EML6: variants seen among roughly 807,000 people sequenced by gnomAD.
The protein encoded by EML6 is echinoderm microtubule-associated protein-like 6.
A neutral mutation model predicts 240.1 loss-of-function variants in EML6; 154 were observed. The ratio of observed to expected loss-of-function variants is 0.64; its 90% CI spans 0.56 to 0.73. EML6 has a LOEUF of 0.73. EML6 is among the 30% of genes least tolerant of loss of function. The probability of loss-of-function intolerance (pLI) is 0.00; values close to 1 mark genes in which losing one functional copy is unlikely to be tolerated. For missense variants in EML6, 2,964 were observed against 2,474.6 expected (o/e 1.20, Z -4.20); for synonymous variants, 1,148 against 899.0 (o/e 1.28, Z -4.95).
At position 54,903,418 on chromosome 2, in the gene EML6, A is replaced by G. The variant is rs761380789; in HGVS notation, c.3325A>G (p.Ile1109Val). ...GGCATCCCATGATAACTTTGTGGAT[A>G]TTTACAACGTACTTACAAGCAAAAG... is the stretch of plus-strand genomic sequence containing the variant. ...AVASHDNFVD[I>V]YNVLTSKRVG... Residue 1109 changes from isoleucine (I) to valine (V), a missense_variant, in exon 24 of 42, where the codon ATT (isoleucine) becomes GTT (valine). Ile to Val is a conservative substitution (Grantham distance 29, BLOSUM62 3). Coordinates refer to ENST00000356458, the MANE Select transcript of EML6 (RefSeq NM_001039753.4). 133 of 1,551,728 alleles carry G rather than the reference A, an allele frequency of 8.6e-5. 2 individuals are homozygous for G. The highest frequency in any genetic ancestry group is 2.6e-6 in the Non-Finnish European group (3 of 1,147,006).
chr2:54,885,895 G>A (rs1672104613), intron 17 of EML6, among the ~76,000 whole-genome samples: 1 of 152,162 alleles, frequency 6.6e-6, no homozygotes, highest in Non-Finnish European at 1.5e-5. Context: ...ACAGGCGTGA[G>A]CCACCACGTC....
intron 2 of EML6, among the ~76,000 whole-genome samples, chr2:54,778,241 T>C (rs1045641911): frequency 1.3e-5 from 2 of 152,344 alleles, no homozygotes; most frequent in Non-Finnish European, 2.9e-5. Flanking sequence ...CAGTTTAAGA[T>C]GGCAAGTGAA....
chr2:54,800,621 C>A (rs2567970), intron 2 of EML6, among the ~76,000 whole-genome samples: 131,214 of 152,108 alleles, frequency 0.86, 56,807 homozygotes, highest in African/African-American at 0.93. Flanking sequence ...CTCAAGAGGG[C>A]ATTGTCCCTT....
chr2:54,953,802 G>A (rs1036435274), intron 31 of EML6, among the ~76,000 whole-genome samples, 181 bp from the exon 32 acceptor site: 2 of 151,498 alleles, frequency 1.3e-5, no homozygotes, highest in African/African-American at 4.9e-5. Context: ...CACGAGGATC[G>A]TGTGAACCCA....
chr2:54,758,541 C>T (rs1175448040), intron 2 of EML6, among the ~76,000 whole-genome samples: 1 of 152,176 alleles, frequency 6.6e-6, no homozygotes, highest in South Asian at 2.1e-4. Flanking sequence ...ACGGTTTTCC[C>T]AGTCCCCCAT....
chr2:54,743,282 A>C (rs1683739791), intron 2 of EML6, among the ~76,000 whole-genome samples: 1 of 152,128 alleles, frequency 6.6e-6, no homozygotes, highest in African/African-American at 2.4e-5. Context: ...ACATCTTTGG[A>C]ATGTGGGAGG....
chr2:54,858,972 G>A (rs951320593), intron 11 of EML6, among the ~76,000 whole-genome samples: 3 of 152,182 alleles, frequency 2.0e-5, no homozygotes, highest in Non-Finnish European at 2.9e-5. Context: ...GCTGTGTACT[G>A]AGCATATGCT....
intron 2 of EML6, among the ~76,000 whole-genome samples, chr2:54,754,670 T>C (rs1328747669): frequency 6.6e-6 from 1 of 152,208 alleles, no homozygotes; most frequent in African/African-American, 2.4e-5. Context: ...ATTCTTTATT[T>C]AGTGAAGTCC....
At chr2:54,952,561 A>G in intron 30 of EML6, 33 bp from the exon 31 acceptor site, 1 of 1,444,534 alleles carries the variant, frequency 6.9e-7, no homozygotes, top group Non-Finnish European at 9.5e-7. Context: ...TTTAGGTTCC[A>G]CTGTTCACCC....
intron 25 of EML6, among the ~76,000 whole-genome samples, chr2:54,916,326 A>C (rs980713909): frequency 6.6e-6 from 1 of 152,210 alleles, no homozygotes; most frequent in Admixed American, 6.5e-5. Flanking sequence ...AGGGTATGCT[A>C]CTGGCATCCA....
intron 16 of EML6, among the ~76,000 whole-genome samples, chr2:54,877,329 T>C (rs1376179641): frequency 6.6e-6 from 1 of 152,178 alleles, no homozygotes; most frequent in Non-Finnish European, 1.5e-5. Flanking sequence ...TTTCAATTTA[T>C]ACCATCCACA....
chr2:54,733,414 A>G (rs1019545990), intron 2 of EML6, among the ~76,000 whole-genome samples: 2 of 152,222 alleles, frequency 1.3e-5, no homozygotes, highest in African/African-American at 4.8e-5. Flanking sequence ...AACTTTTTCA[A>G]AGAAGTACAG....
chr2:54,824,177 T>C (rs1041201195), intron 5 of EML6, among the ~76,000 whole-genome samples: 6 of 152,170 alleles, frequency 3.9e-5, no homozygotes, highest in African/African-American at 1.4e-4. Context: ...CTTTCTGTCC[T>C]TGGTTAACTC....
rs1669826881 is a variant in EML6, at chr2:54,847,469, T to G, written c.1050-17T>G. On this transcript the variant is annotated splice_polypyrimidine_tract_variant and intron_variant, in intron 8 of 41. Coordinates refer to ENST00000356458, the MANE Select transcript of EML6 (RefSeq NM_001039753.4). ...GAAGTTGGTTTTGTTTTGTTTTGAC[T>G]TCGTTCTTGTGCCTAGGCTGTGGAG... 9.0e-6 allele frequency: 14 copies of G among 1,549,004 alleles called. No homozygotes were observed. The highest frequency in any genetic ancestry group is 1.2e-5 in the Non-Finnish European group (14 of 1,146,060).
chr2:54,816,733 G>A (rs1668097784), intron 3 of EML6, 54 bp from the exon 4 acceptor site: 3 of 1,277,438 alleles, frequency 2.3e-6, no homozygotes, highest in South Asian at 2.6e-5. Flanking sequence ...TTCTTAACGT[G>A]TCAGTAAGTC....
intron 39 of EML6, among the ~76,000 whole-genome samples, chr2:54,967,868 C>T (rs963609326): frequency 6.6e-6 from 1 of 152,170 alleles, no homozygotes; most frequent in Admixed American, 6.5e-5. Context: ...ATAGGGTTCG[C>T]ACTCCTATGA....
chr2:54,809,710 T>G lies in EML6; in HGVS notation c.198-3522T>G, dbSNP rs1200598431. Among the ~76,000 whole-genome samples the G allele has an allele frequency of 2.0e-5, 3 of 152,314 alleles. No individual in the cohort carries two copies. In the East Asian group the frequency reaches 5.8e-4, roughly 29 times the overall value. On this transcript the variant is annotated intron_variant, in intron 2 of 41. Coordinates refer to ENST00000356458, the MANE Select transcript of EML6 (RefSeq NM_001039753.4). Reference sequence around the variant, plus strand: ...TTTTATTTATTAAATAAATACTTATTAAATAAATCTGTAACTCCACCATTA... The same window carrying G: ...TTTTATTTATTAAATAAATACTTATGAAATAAATCTGTAACTCCACCATTA...
intron 28 of EML6, among the ~76,000 whole-genome samples, chr2:54,937,556 A>T (rs1293388861): frequency 1.3e-4 from 8 of 61,902 alleles, no homozygotes; most frequent in Non-Finnish European, 3.0e-4. Flanking sequence ...CTGTCTTTAA[A>T]AAAAAAAAAA....
At chr2:54,889,465 T>TTTTTTTTTTTTTTTTTTTTGAG (rs1672338591) in intron 17 of EML6, among the ~76,000 whole-genome samples, 4 of 146,002 alleles carry the variant, frequency 2.7e-5, no homozygotes, top group African/African-American at 1.0e-4. Flanking sequence ...TCTGCCTTTT[T>TTTTTTTTTTTTTTTTTTTTGAG]AATCTTACTT....
Sources: gnomAD v4.1 joint callset for allele counts (sites outside exome capture counted in the v4.1 genomes callset) on GRCh38, gnomAD v4.1.1 for gene constraint, MANE v1.5 for transcripts, NCBI Gene and HGNC (gene_info 2026-07-23, HGNC 2026-07-21) for gene names.